The following OXR1 variants were observed in gnomAD, a reference collection of about 807,000 sequenced individuals.
OXR1 encodes the protein oxidation resistance 1.
In OXR1, 41 loss-of-function variants were observed where a neutral mutation model predicts 104.6. The observed-to-expected ratio is 0.39, with a 90% confidence interval of 0.31 to 0.51. The LOEUF (loss-of-function observed/expected upper bound fraction) is 0.51, where lower values mean the gene tolerates loss of function less well. Among genes scored for constraint, OXR1 ranks in the 20% least tolerant of loss-of-function variants. OXR1 has a pLI of 0.77. For missense variants in OXR1, 955 were observed against 1,031.9 expected, an observed-to-expected ratio of 0.93 and a Z score of 1.02; for synonymous variants, 348 against 348.4, an observed-to-expected ratio of 1.00 and a Z score of 0.01.
chr8:106,329,350 CTTT>C (rs773206309), intron 1 of OXR1, among the ~76,000 whole-genome samples: 1 of 137,726 alleles, frequency 7.3e-6, no homozygotes. Context: ...CTCATTGACA[CTTT>C]TTTTTTTTTT....
intron 2 of OXR1, among the ~76,000 whole-genome samples, chr8:106,453,810 G>C (rs750629213): frequency 1.3e-5 from 2 of 152,200 alleles, no homozygotes; most frequent in African/African-American, 2.4e-5. Flanking sequence ...ATATAGCATA[G>C]TACTTGGCAT....
intron 2 of OXR1, among the ~76,000 whole-genome samples, chr8:106,428,255 C>G (rs766641378): frequency 6.6e-6 from 1 of 152,146 alleles, no homozygotes. Context: ...TTCATCCTCA[C>G]GGTCACAAGA....
intron 3 of OXR1, among the ~76,000 whole-genome samples, chr8:106,648,985 G>A (rs1048076364): frequency 1.3e-5 from 2 of 152,110 alleles, no homozygotes; most frequent in Non-Finnish European, 1.5e-5. Context: ...CATGCAGATC[G>A]TTTGAGCCCA....
At chr8:106,345,388 T>C (rs953255927) in intron 1 of OXR1, among the ~76,000 whole-genome samples, 3 of 152,256 alleles carry the variant, frequency 2.0e-5, no homozygotes, top group Non-Finnish European at 2.9e-5. Context: ...TAAACACATA[T>C]ATTCCTGCAA....
chr8:106,734,200 G>A (rs766163718), intron 11 of OXR1, among the ~76,000 whole-genome samples: 21 of 151,974 alleles, frequency 1.4e-4, no homozygotes, highest in Admixed American at 5.2e-4. Flanking sequence ...TATTTTGAAA[G>A]CAGTAGTTTT....
intron 1 of OXR1, among the ~76,000 whole-genome samples, chr8:106,312,126 G>T (rs997213269): frequency 2.0e-5 from 3 of 151,720 alleles, no homozygotes; most frequent in Admixed American, 6.6e-5. Context: ...AATTTTATAT[G>T]ATTTCAGTGA....
intron 3 of OXR1, among the ~76,000 whole-genome samples, chr8:106,571,626 T>C (rs1817477856): frequency 6.6e-6 from 1 of 152,148 alleles, no homozygotes; most frequent in Non-Finnish European, 1.5e-5. Flanking sequence ...CCCCAAATTA[T>C]TAACTCATTC....
At chr8:106,723,497 C>CAAAAA (rs550424646) in intron 11 of OXR1, among the ~76,000 whole-genome samples, 1 of 95,690 alleles carries the variant, frequency 1.0e-5, no homozygotes, top group Non-Finnish European at 2.2e-5. Context: ...GCCTCTGTCT[C>CAAAAA]AAAAAAAAAA....
At chr8:106,593,675 G>A (rs1045260501) in intron 3 of OXR1, among the ~76,000 whole-genome samples, 1 of 152,150 alleles carries the variant, frequency 6.6e-6, no homozygotes, top group Non-Finnish European at 1.5e-5. Flanking sequence ...TACTCGGGAG[G>A]CTGAGGCAGG....
intron 2 of OXR1, among the ~76,000 whole-genome samples, chr8:106,381,818 C>A (rs1277575328): frequency 2.0e-5 from 3 of 152,140 alleles, no homozygotes; most frequent in Non-Finnish European, 2.9e-5. Flanking sequence ...GCTTTTAATT[C>A]AAAAATTCTC....
At chr8:106,415,413 A>G (rs187100324) in intron 2 of OXR1, among the ~76,000 whole-genome samples, 1 of 152,306 alleles carries the variant, frequency 6.6e-6, no homozygotes, top group African/African-American at 2.4e-5. Flanking sequence ...AGTTCTAGCA[A>G]CTAAGATAAT....
At chr8:106,602,254 A>G (rs189194493) in intron 3 of OXR1, among the ~76,000 whole-genome samples, 90 of 152,356 alleles carry the variant, frequency 5.9e-4, no homozygotes, top group African/African-American at 2.2e-3. Context: ...GCACAGCAAT[A>G]GCAAACTCAT....
At chr8:106,370,638 T>C (rs1816666475) in intron 2 of OXR1, among the ~76,000 whole-genome samples, 1 of 152,244 alleles carries the variant, frequency 6.6e-6, no homozygotes, top group African/African-American at 2.4e-5. Flanking sequence ...AGGCATTTTC[T>C]ACATCTATTG....
At chr8:106,418,523 T>A (rs1470375837) in intron 2 of OXR1, among the ~76,000 whole-genome samples, 1 of 149,306 alleles carries the variant, frequency 6.7e-6, no homozygotes, top group Non-Finnish European at 1.5e-5. Context: ...CTTCCTGTTG[T>A]TTGTTGGTCA....
chr8:106,369,163 C>G (rs1816605607), intron 2 of OXR1, among the ~76,000 whole-genome samples: 1 of 152,142 alleles, frequency 6.6e-6, no homozygotes. Context: ...TGATGTTAAG[C>G]TATTTTGCAT....
chr8:106,516,628 CTATT>C (rs1263897708), intron 2 of OXR1, among the ~76,000 whole-genome samples: 1 of 152,156 alleles, frequency 6.6e-6, no homozygotes, highest in Admixed American at 6.5e-5. Context: ...GAGCTTCACT[CTATT>C]TATTTTTATT....
intron 2 of OXR1, among the ~76,000 whole-genome samples, chr8:106,410,508 G>A (rs1004358308): frequency 2.0e-5 from 3 of 152,112 alleles, no homozygotes; most frequent in Non-Finnish European, 4.4e-5. Flanking sequence ...TCTTTCAAAA[G>A]TAGACCTGAG....
chr8:106,684,111 T>G (rs1368639943), intron 5 of OXR1, 135 bp from the exon 6 acceptor site: 2 of 550,500 alleles, frequency 3.6e-6, no homozygotes, highest in Admixed American at 6.6e-5. Context: ...AAAAATGTTT[T>G]TATATTCTTA....
At chr8:106,410,478 A>G (rs1818418174) in intron 2 of OXR1, among the ~76,000 whole-genome samples, 1 of 152,190 alleles carries the variant, frequency 6.6e-6, no homozygotes, top group Non-Finnish European at 1.5e-5. Context: ...GTTCATTAGT[A>G]CAAACTCAAC....
Sources: allele counts gnomAD v4.1 joint callset (sites outside exome capture counted in the v4.1 genomes callset), GRCh38; gene constraint gnomAD v4.1.1; transcripts MANE v1.5; gene names NCBI Gene and HGNC (gene_info 2026-07-23, HGNC 2026-07-21).